Variants in FREM1 observed in about 807,000 individuals in gnomAD.
FREM1 encodes FRAS1-related extracellular matrix protein 1.
A neutral mutation model predicts 210.1 loss-of-function variants in FREM1; 220 were observed. That is an observed-to-expected ratio of 1.05 (90% CI 0.94 to 1.17). The LOEUF (loss-of-function observed/expected upper bound fraction) is 1.17, where lower values mean the gene tolerates loss of function less well. Ranked by LOEUF, FREM1 falls within the 50% of genes most tolerant of loss-of-function variation. The pLI, the probability that FREM1 is intolerant of heterozygous loss-of-function variation, is 0.00. For synonymous variants in FREM1, 1,189 were observed against 980.2 expected, an observed-to-expected ratio of 1.21 and a Z score of -3.98; for missense variants, 3,454 against 2,675.5, an observed-to-expected ratio of 1.29 and a Z score of -6.42.
intron 1 of FREM1, among the ~76,000 whole-genome samples, chr9:14,900,188 A>AC (rs754716875): frequency 5.3e-5 from 8 of 151,750 alleles, no homozygotes; most frequent in Non-Finnish European, 1.5e-5. Flanking sequence ...CATCTAGAGG[A>AC]CCCCCTCTTC....
chr9:14,823,990 A>G (rs1821854262), intron 12 of FREM1, 35 bp downstream of exon 12: 1 of 1,360,714 alleles, frequency 7.3e-7, no homozygotes, highest in East Asian at 2.4e-5. Context: ...GCACACTTGC[A>G]TCATGTTTGT....
At chr9:14,792,492 C>T (rs1474453990) in intron 22 of FREM1, among the ~76,000 whole-genome samples, 1 of 152,146 alleles carries the variant, frequency 6.6e-6, no homozygotes, top group Non-Finnish European at 1.5e-5. Context: ...CAGTAATTCC[C>T]TCCCTCAGAA....
intron 20 of FREM1, 92 bp from the exon 21 acceptor site, chr9:14,797,734 G>A: frequency 1.9e-6 from 2 of 1,072,282 alleles, no homozygotes; most frequent in Non-Finnish European, 2.8e-6. Context: ...CAAGGCAGGG[G>A]TATTAGCAAG....
Position 14,748,595 on chromosome 9 carries a change from T to G in FREM1, c.5602A>C (p.Thr1868Pro). ...SYSSNQSKHS[T>P]WEKGIWHLLP... is the part of the protein sequence containing the mutation. ...AGATGCCAAATGCCCTTCTCCCATG[T>G]GCTGTGCTTGCTTTGGTTGGAGGAA... is the stretch of plus-strand genomic sequence containing the variant. The change falls in exon 31 of 37, where the codon ACA becomes CCA. Residue 1868 changes from threonine (T) to proline (P), a missense_variant. Physicochemically the swap from Thr to Pro is conservative, Grantham distance 38. Coordinates refer to ENST00000380880, the MANE Select transcript of FREM1 (RefSeq NM_001379081.2). 1 of 1,613,804 alleles carries G rather than the reference T, an allele frequency of 6.2e-7. No homozygotes were observed. The highest frequency in any genetic ancestry group is 8.5e-7 in the Non-Finnish European group (1 of 1,179,774).
rs886063771 is a variant in FREM1, at chr9:14,851,552, G to A, written c.884C>T (p.Pro295Leu). The A allele has an allele frequency of 1.5e-5, 25 of 1,613,856 alleles. No individual in the cohort carries two copies. Among genetic ancestry groups the A allele is most frequent in the East Asian group, 2.2e-5 (1 of 44,894 alleles). The change falls in exon 6 of 37, where the codon CCA becomes CTA. Residue 295 changes from proline to leucine, a missense_variant. Coordinates refer to ENST00000380880, the MANE Select transcript of FREM1 (RefSeq NM_001379081.2). ...AAACACGGCCATGAATGCAGCCTTT[G>A]GAATCTGATTCGGAATTCCAGCTCT... The part of the protein sequence containing the change: ...YIRAGIPNQI[P>L]KAAFMAVFIL...
intron 29 of FREM1, 96 bp downstream of exon 29, chr9:14,756,278 T>C: frequency 1.1e-6 from 1 of 887,748 alleles, no homozygotes; most frequent in Non-Finnish European, 1.7e-6. Context: ...TGGCTAAAGT[T>C]GTGTAACATT....
At chr9:14,820,304 G>A (rs114403346) in intron 13 of FREM1, among the ~76,000 whole-genome samples, 2,340 of 152,242 alleles carry the variant, frequency 0.015, 51 homozygotes, top group African/African-American at 0.053. Flanking sequence ...GTATTGCTAC[G>A]CAGAAGTGAA....
chr9:14,860,904 C>CGTATAT (rs1437266577), intron 3 of FREM1, among the ~76,000 whole-genome samples: 17 of 74,182 alleles, frequency 2.3e-4, no homozygotes, highest in African/African-American at 3.0e-4. Flanking sequence ...CATATATACA[C>CGTATAT]ATATACACAT....
chr9:14,848,826 G>T, intron 6 of FREM1, 53 bp from the exon 7 acceptor site: 1 of 1,115,870 alleles, frequency 9.0e-7, no homozygotes, highest in Non-Finnish European at 1.4e-6. Flanking sequence ...ACAGGGTAAA[G>T]TAGCATTAAT....
chr9:14,807,023 T>C (rs1050504305), intron 17 of FREM1, among the ~76,000 whole-genome samples, 177 bp from the exon 18 acceptor site: 8 of 152,184 alleles, frequency 5.3e-5, no homozygotes, highest in Non-Finnish European at 1.0e-4. Context: ...AAATCTTGAG[T>C]GGTAATGAGT....
Position 14,808,018 on chromosome 9 carries a change from G to C in FREM1, c.3010C>G (p.Leu1004Val). ...CYNGPNPSVP[L>V]HASFPVYDLN... ...TCATACACTGGAAAGGACGCATGAA[G>C]TGGAACAGATGGATTGGGTCCATTG... The change falls in exon 17 of 37, where the codon CTT becomes GTT. Residue 1004 changes from leucine (L) to valine (V), a missense_variant. Coordinates refer to ENST00000380880, the MANE Select transcript of FREM1 (RefSeq NM_001379081.2). The C allele has an allele frequency of 6.2e-7, 1 of 1,613,834 alleles. No individual in the cohort carries two copies. The highest frequency in any genetic ancestry group is 2.2e-5 in the East Asian group (1 of 44,876).
At chr9:14,753,671 T>C (rs896505569) in intron 29 of FREM1, among the ~76,000 whole-genome samples, 62 of 152,300 alleles carry the variant, frequency 4.1e-4, no homozygotes, top group African/African-American at 1.5e-3. Context: ...AACAAATTGA[T>C]TTCCCTTGGT....
chr9:14,830,855 T>G (rs915068015), intron 10 of FREM1, among the ~76,000 whole-genome samples: 2 of 152,222 alleles, frequency 1.3e-5, no homozygotes. Flanking sequence ...ACAGCCTTCC[T>G]TCATCAGAGT....
intron 10 of FREM1, among the ~76,000 whole-genome samples, chr9:14,825,702 C>T (rs1473708654): frequency 6.6e-6 from 1 of 151,488 alleles, no homozygotes; most frequent in Non-Finnish European, 1.5e-5. Context: ...TCCCTATATT[C>T]AGTCATCAAT....
intron 3 of FREM1, among the ~76,000 whole-genome samples, chr9:14,861,112 T>C (rs1398707904): frequency 3.0e-5 from 3 of 99,894 alleles, no homozygotes; most frequent in African/African-American, 5.9e-5. Flanking sequence ...TATATACACA[T>C]ATATATACAT....
chr9:14,776,376 G>T, intron 24 of FREM1, 173 bp from the exon 25 acceptor site: 4 of 612,936 alleles, frequency 6.5e-6, no homozygotes, highest in Non-Finnish European at 1.0e-5. Context: ...AGTCACTAGA[G>T]TAATGCATAA....
At chr9:14,841,280 A>T (rs537647674) in intron 10 of FREM1, among the ~76,000 whole-genome samples, 167 bp downstream of exon 10, 1 of 152,382 alleles carries the variant, frequency 6.6e-6, no homozygotes, top group South Asian at 2.1e-4. Flanking sequence ...TCAAAAAGGA[A>T]ACATTTGAGT....
At chr9:14,828,964 G>A (rs1823023795) in intron 10 of FREM1, among the ~76,000 whole-genome samples, 1 of 152,130 alleles carries the variant, frequency 6.6e-6, no homozygotes, top group Admixed American at 6.5e-5. Flanking sequence ...ACCTTTTAGT[G>A]TCAATTTTCT....
intron 27 of FREM1, among the ~76,000 whole-genome samples, chr9:14,763,936 C>T (rs1845954896): frequency 6.6e-6 from 1 of 152,170 alleles, no homozygotes; most frequent in Admixed American, 6.5e-5. Context: ...TTGTTTATCC[C>T]ACTGTCTCCT....
Sources: allele counts gnomAD v4.1 joint callset (sites outside exome capture counted in the v4.1 genomes callset), GRCh38; gene constraint gnomAD v4.1.1; transcripts MANE v1.5; gene names NCBI Gene and HGNC (gene_info 2026-07-23, HGNC 2026-07-21).